Variants in DCX observed in about 807,000 individuals in gnomAD.
DCX encodes the protein doublecortin, also known as neuronal migration protein doublecortin.
Under a neutral mutation model 20.9 loss-of-function variants are expected in DCX, and 4 were observed. That is an observed-to-expected ratio of 0.19 (90% CI 0.09 to 0.44). DCX has a LOEUF of 0.44. Ranked by LOEUF, DCX falls within the 20% of genes least tolerant of loss-of-function variation. DCX has a pLI of 0.99. For synonymous variants in DCX, 103 were observed against 111.4 expected (o/e 0.92, Z 0.47); for missense variants, 133 against 296.9 (o/e 0.45, Z 4.06).
chrX:111,314,122 A>G (rs1389426705), intron 5 of DCX, among the ~76,000 whole-genome samples: 1 of 111,718 alleles, frequency 9.0e-6, no homozygotes, highest in Non-Finnish European at 1.9e-5. Flanking sequence ...AAGAGACATC[A>G]GTGTAGTGGT....
chrX:111,395,511 G>T (rs900826606), intron 3 of DCX, among the ~76,000 whole-genome samples: 1 of 112,303 alleles, frequency 8.9e-6, no homozygotes, highest in South Asian at 3.7e-4. Context: ...CTTTCCAGAA[G>T]GGCAGTATAT....
chrX:111,337,627 C>T (rs1358558679), intron 3 of DCX, among the ~76,000 whole-genome samples: 3 of 111,982 alleles, frequency 2.7e-5, no homozygotes, highest in Non-Finnish European at 5.6e-5. Flanking sequence ...GCTGGCAGTT[C>T]GTTTTTGAAC....
At position 111,299,401 on chromosome X, in the gene DCX, G is replaced by A. The variant is rs992299891; in HGVS notation, c.*2286C>T. 26 of 111,584 alleles carry A rather than the reference G, an allele frequency of 2.3e-4. No homozygotes were observed. Among genetic ancestry groups the A allele is most frequent in the African/African-American group, 8.5e-4 (26 of 30,657 alleles). The allele number at this position is 111,584 out of a possible 1,213,427, so 9.2% of individuals were successfully genotyped here. The stretch of plus-strand genomic sequence containing the variant: ...AATCAAGGAAATACTCAGAGAGCTA[G>A]TGTGAGGCCCAAGCATAAGGAAATC... On this transcript the variant is annotated 3_prime_UTR_variant, in exon 7 of 7. Coordinates refer to ENST00000636035, the MANE Select transcript of DCX (RefSeq NM_001195553.2).
At chrX:111,352,824 G>GCAGA (rs1381012791) in intron 3 of DCX, among the ~76,000 whole-genome samples, 3 of 93,325 alleles carry the variant, frequency 3.2e-5, no homozygotes, top group Non-Finnish European at 4.2e-5. Flanking sequence ...GAAAGCTGAG[G>GCAGA]CAGACAGACA....
intron 3 of DCX, among the ~76,000 whole-genome samples, chrX:111,378,364 C>T (rs769053746): frequency 5.4e-5 from 6 of 111,165 alleles, no homozygotes; most frequent in Non-Finnish European, 1.1e-4. Context: ...GTCCTGAGTC[C>T]TATCCTCTAG....
intron 3 of DCX, among the ~76,000 whole-genome samples, chrX:111,341,825 C>A (rs1158370123): frequency 1.8e-5 from 2 of 110,585 alleles, no homozygotes; most frequent in African/African-American, 6.6e-5. Flanking sequence ...AAACAAATGC[C>A]GAGGGATTTC....
intron 3 of DCX, among the ~76,000 whole-genome samples, chrX:111,342,136 C>T (rs1239588054): frequency 4.2e-5 from 4 of 94,772 alleles, no homozygotes; most frequent in African/African-American, 7.8e-5. Context: ...ATGCATCTCA[C>T]GTGCAAAGAC....
intron 3 of DCX, among the ~76,000 whole-genome samples, chrX:111,394,244 A>G (rs1328373179): frequency 8.9e-6 from 1 of 112,087 alleles, no homozygotes; most frequent in Non-Finnish European, 1.9e-5. Context: ...AGGTGCAAAA[A>G]GCCACATGAT....
rs185876086 is a variant in DCX, at chrX:111,322,544, A to G, written c.946+8360T>C. Among the ~76,000 whole-genome samples, 401 of 112,351 alleles carry G rather than the reference A, an allele frequency of 3.6e-3. 3 individuals are homozygous for G. Among genetic ancestry groups the G allele is most frequent in the African/African-American group, 0.012 (382 of 30,967 alleles). On this transcript the variant is annotated intron_variant, in intron 5 of 6. Transcript: ENST00000636035. ...TGTTTTCCCCTTACAAATAGAGGGA[A>G]TTTTCCTGGAAGGCCATCCAAGTGG...
intron 3 of DCX, 86 bp downstream of exon 3, chrX:111,400,904 C>G (rs1295160745): frequency 2.3e-6 from 2 of 868,865 alleles, no homozygotes; most frequent in Non-Finnish European, 3.4e-6. Context: ...AGGAAGAGTC[C>G]GTCAACAAGA....
At chrX:111,330,778 T>C in intron 5 of DCX, 126 bp downstream of exon 5, 1 of 1,012,238 alleles carries the variant, frequency 9.9e-7, no homozygotes, top group Non-Finnish European at 1.4e-6. Context: ...TTTTAGTCCC[T>C]GAATTGATAG....
intron 3 of DCX, among the ~76,000 whole-genome samples, chrX:111,374,361 T>C (rs146433011): frequency 8.0e-5 from 9 of 112,312 alleles, no homozygotes; most frequent in African/African-American, 2.6e-4. Context: ...GATCCAAGCA[T>C]TGGAGAACAA....
chrX:111,331,746 C>T (rs1008964548), intron 4 of DCX, among the ~76,000 whole-genome samples: 1 of 112,084 alleles, frequency 8.9e-6, no homozygotes, highest in Non-Finnish European at 1.9e-5. Flanking sequence ...TTTGGAACAC[C>T]CTTTCTATGC....
intron 3 of DCX, among the ~76,000 whole-genome samples, chrX:111,347,370 T>C (rs1922921080): frequency 1.8e-5 from 2 of 111,319 alleles, no homozygotes; most frequent in Non-Finnish European, 3.8e-5. Flanking sequence ...AATCCATTTC[T>C]TTGAGTGCCT....
chrX:111,317,491 T>C lies in DCX; in HGVS notation c.947-4755A>G, dbSNP rs753202776. 2.8e-5 allele frequency among the ~76,000 whole-genome samples: 3 copies of C among 108,707 alleles called. No individual in the cohort carries two copies. In the Admixed American group the frequency reaches 2.9e-4, roughly 11 times the overall value. The allele number at this position is 108,707 out of a possible 115,157, so 94.4% of individuals were successfully genotyped here. ...AACCTAGGCAATACCATTCAGCACA[T>C]AGGACTTGGCAAGGATTTAATAATG... On this transcript the variant is annotated intron_variant, in intron 5 of 6. Transcript: ENST00000636035.
At chrX:111,327,915 C>T (rs2095103211) in intron 5 of DCX, among the ~76,000 whole-genome samples, 1 of 112,583 alleles carries the variant, frequency 8.9e-6, no homozygotes, top group Non-Finnish European at 1.9e-5. Flanking sequence ...TGTTACAGCC[C>T]TTCAGGGTTG....
chrX:111,304,629 C>CT (rs1383075046), intron 6 of DCX, among the ~76,000 whole-genome samples: 1 of 111,424 alleles, frequency 9.0e-6, no homozygotes, highest in Non-Finnish European at 1.9e-5. Flanking sequence ...CTAGGTTCTT[C>CT]TTTTTTTAAC....
At chrX:111,350,614 C>T (rs1348020851) in intron 3 of DCX, among the ~76,000 whole-genome samples, 2 of 111,961 alleles carry the variant, frequency 1.8e-5, no homozygotes, top group Non-Finnish European at 3.8e-5. Context: ...CTCTTCTGTA[C>T]CCTTAGTCCA....
intron 3 of DCX, among the ~76,000 whole-genome samples, chrX:111,375,802 G>A (rs189909627): frequency 1.8e-5 from 2 of 112,160 alleles, no homozygotes; most frequent in East Asian, 5.7e-4. Flanking sequence ...GGCATGATGT[G>A]ATTATCAAAT....
Sources: allele counts gnomAD v4.1 joint callset (sites outside exome capture counted in the v4.1 genomes callset), GRCh38; gene constraint gnomAD v4.1.1; transcripts MANE v1.5; gene names NCBI Gene and HGNC (gene_info 2026-07-23, HGNC 2026-07-21).